PAH: variants seen among roughly 807,000 people sequenced by gnomAD.
The protein encoded by PAH is phenylalanine hydroxylase, also known as phenylalanine-4-hydroxylase.
A neutral mutation model predicts 62.0 loss-of-function variants in PAH; 64 were observed. The ratio of observed to expected loss-of-function variants is 1.03; its 90% CI spans 0.84 to 1.27. The LOEUF (loss-of-function observed/expected upper bound fraction) is 1.27. PAH is among the 50% of genes most tolerant of loss of function. The pLI is 0.00. For missense variants in PAH, 579 were observed against 542.8 expected, an observed-to-expected ratio of 1.07 and a Z score of -0.66; for synonymous variants, 195 against 196.2, an observed-to-expected ratio of 0.99 and a Z score of 0.05.
rs1878784494 is a variant in PAH, at chr12:102,929,479, C to A, written c.-95-12254G>T. On this transcript the variant is annotated intron_variant, in intron 1 of 3. Coordinates refer to the PAH transcript ENST00000546844. ...GTCATATTGCAGAAACAATGGGGAA[C>A]TTGGTTGAAGATGCGAGTGGAAAGC... Among the ~76,000 whole-genome samples the A allele has an allele frequency of 2.0e-5, 3 of 152,130 alleles. No individual in the cohort carries two copies. The South Asian group carries it at 6.2e-4, about 32-fold the overall frequency.
chr12:102,938,723 C>T (rs1423735596), intron 1 of PAH, among the ~76,000 whole-genome samples: 1 of 152,174 alleles, frequency 6.6e-6, no homozygotes, highest in Non-Finnish European at 1.5e-5. Context: ...CTCTACTTCC[C>T]TCAGGCTAGG....
chr12:102,913,022 C>A, intron 1 of PAH, 124 bp from the exon 2 acceptor site: 1 of 700,872 alleles, frequency 1.4e-6, no homozygotes, highest in South Asian at 1.5e-5. Context: ...ATACAATGAG[C>A]TATATATATT....
At chr12:102,913,092 A>G (rs531306879) in intron 1 of PAH, among the ~76,000 whole-genome samples, 194 bp from the exon 2 acceptor site, 15 of 152,342 alleles carry the variant, frequency 9.8e-5, no homozygotes, top group Admixed American at 7.8e-4. Context: ...TAAATGATCA[A>G]TGATGCTACT....
chr12:102,917,037 C>G, intron 1 of PAH, 34 bp downstream of exon 1: 1 of 1,606,496 alleles, frequency 6.2e-7, no homozygotes, highest in South Asian at 1.1e-5. Flanking sequence ...GCCCAAATTC[C>G]CCTAACTGAG....
intron 2 of PAH, among the ~76,000 whole-genome samples, chr12:102,897,067 A>G (rs1261865031): frequency 6.6e-6 from 1 of 152,150 alleles, no homozygotes; most frequent in African/African-American, 2.4e-5. Context: ...AGTTTTGCCT[A>G]CTTGTCTAAC....
At chr12:102,892,586 C>T (rs1209336804) in intron 3 of PAH, among the ~76,000 whole-genome samples, 1 of 152,124 alleles carries the variant, frequency 6.6e-6, no homozygotes, top group Non-Finnish European at 1.5e-5. Context: ...TACATCTTGA[C>T]CATGGAATAT....
At chr12:102,941,012 C>T (rs1271493084) in intron 1 of PAH, among the ~76,000 whole-genome samples, 2 of 152,158 alleles carry the variant, frequency 1.3e-5, no homozygotes, top group Non-Finnish European at 2.9e-5. Flanking sequence ...GATTGGGGAT[C>T]TATATTCAGC....
At chr12:102,951,096 A>G (rs577452817), upstream of PAH, among the ~76,000 whole-genome samples, 1 of 152,232 alleles carries the variant, frequency 6.6e-6, no homozygotes, top group South Asian at 2.1e-4. Flanking sequence ...TCCCTCCTAT[A>G]TGCAAACTGT....
exon 1 of PAH, chr12:102,958,274 C>A: frequency 2.0e-6 from 3 of 1,474,232 alleles, no homozygotes; most frequent in Non-Finnish European, 2.7e-6. Flanking sequence ...TGGAGAGCGG[C>A]GGCGCCGGCC....
intron 1 of PAH, among the ~76,000 whole-genome samples, chr12:102,935,287 T>G (rs1226195647): frequency 1.3e-5 from 2 of 152,114 alleles, no homozygotes; most frequent in Admixed American, 1.3e-4. Flanking sequence ...TGATATTGAA[T>G]TTCTTTTGCT....
At chr12:102,940,738 G>A (rs576045236) in intron 1 of PAH, among the ~76,000 whole-genome samples, 34 of 152,252 alleles carry the variant, frequency 2.2e-4, no homozygotes, top group African/African-American at 8.2e-4. Flanking sequence ...CAAGCAACTT[G>A]GGAAAGATAT....
intron 5 of PAH, 152 bp from the exon 6 acceptor site, chr12:102,855,484 C>T (rs1875384514): frequency 1.5e-6 from 1 of 665,742 alleles, no homozygotes; most frequent in South Asian, 1.7e-5. Context: ...AGAAAAATTC[C>T]ACATCTTGAT....
intron 11 of PAH, among the ~76,000 whole-genome samples, chr12:102,841,683 A>C (rs1274027800): frequency 6.6e-6 from 1 of 152,290 alleles, no homozygotes; most frequent in South Asian, 2.1e-4. Context: ...AGCTGTCTCA[A>C]CCCAGCTGGT....
At chr12:102,848,597 T>C (rs1425561955) in intron 8 of PAH, among the ~76,000 whole-genome samples, 1 of 147,938 alleles carries the variant, frequency 6.8e-6, no homozygotes, top group African/African-American at 2.5e-5. Context: ...ATCAGGAGAC[T>C]GGAGAGGTTG....
intron 2 of PAH, among the ~76,000 whole-genome samples, chr12:102,895,132 TA>T (rs1346300784): frequency 6.6e-6 from 1 of 152,180 alleles, no homozygotes; most frequent in East Asian, 1.9e-4. Context: ...GTGGGGCAGT[TA>T]GTTCACATGT....
intron 1 of PAH, among the ~76,000 whole-genome samples, chr12:102,936,854 G>A (rs1028766844): frequency 2.0e-5 from 3 of 152,094 alleles, no homozygotes; most frequent in Non-Finnish European, 1.5e-5. Flanking sequence ...TCTTTTGATT[G>A]GAGAGTGATA....
At chr12:102,927,800 AAAAC>A (rs919019966) in intron 1 of PAH, among the ~76,000 whole-genome samples, 1 of 152,122 alleles carries the variant, frequency 6.6e-6, no homozygotes, top group Non-Finnish European at 1.5e-5. Flanking sequence ...CCTATGCCAA[AAAAC>A]AAACAAACAA....
chr12:102,934,959 T>C (rs1242046987), intron 1 of PAH, among the ~76,000 whole-genome samples: 1 of 151,980 alleles, frequency 6.6e-6, no homozygotes, highest in African/African-American at 2.4e-5. Context: ...AAAGTAGGCA[T>C]CCTTGTTATT....
chr12:102,841,536 C>G (rs1292969963), intron 11 of PAH, among the ~76,000 whole-genome samples: 1 of 152,130 alleles, frequency 6.6e-6, no homozygotes, highest in African/African-American at 2.4e-5. Context: ...AAAATTGGGG[C>G]ATTAGTGGTA....
Sources: gnomAD v4.1 joint callset for allele counts (sites outside exome capture counted in the v4.1 genomes callset) on GRCh38, gnomAD v4.1.1 for gene constraint, MANE v1.5 for transcripts, NCBI Gene and HGNC (gene_info 2026-07-23, HGNC 2026-07-21) for gene names.